The following ASTN2 variants were observed in gnomAD, a reference collection of about 807,000 sequenced individuals.
ASTN2 encodes astrotactin-2.
ASTN2 carries 54 observed loss-of-function variants against 139.8 expected under a neutral mutation model. The observed-to-expected ratio is 0.39, with a 90% CI of 0.31 to 0.48. The LOEUF (loss-of-function observed/expected upper bound fraction) is 0.48, where lower values mean the gene tolerates loss of function less well. ASTN2 is among the 20% of genes least tolerant of loss of function. ASTN2 has a pLI of 0.95. For synonymous variants in ASTN2, 756 were observed against 719.5 expected (o/e 1.05, Z -0.81); for missense variants, 1,565 against 1,725.1 (o/e 0.91, Z 1.64).
chr9:116,518,679 T>C lies in ASTN2; in HGVS notation c.3356-31179A>G, dbSNP rs188005692. On this transcript the variant is annotated intron_variant, in intron 19 of 22. Transcript: ENST00000313400. ...AGTACATAACATCTTAATGCTAACATTGAATGTGAGTGGCCTAAAGGCTCC... is the reference window on the plus strand; with the variant it reads ...AGTACATAACATCTTAATGCTAACACTGAATGTGAGTGGCCTAAAGGCTCC... Among the ~76,000 whole-genome samples the C allele has an allele frequency of 5.9e-3, 894 of 152,184 alleles. 14 individuals carry two copies. The highest frequency in any genetic ancestry group is 0.021 in the African/African-American group (864 of 41,514).
At chr9:116,910,918 G>C (rs766874860) in intron 10 of ASTN2, among the ~76,000 whole-genome samples, 12 of 152,152 alleles carry the variant, frequency 7.9e-5, no homozygotes, top group Non-Finnish European at 1.3e-4. Context: ...GGTAGAGCGA[G>C]ACCAGTCTGA....
At chr9:116,641,737 T>C (rs1254118212) in intron 17 of ASTN2, among the ~76,000 whole-genome samples, 4 of 152,142 alleles carry the variant, frequency 2.6e-5, no homozygotes, top group African/African-American at 9.7e-5. Flanking sequence ...TCAGGTCCCA[T>C]GAAAGAGCTA....
chr9:117,288,435 G>A (rs1278450079), intron 2 of ASTN2, among the ~76,000 whole-genome samples: 1 of 152,146 alleles, frequency 6.6e-6, no homozygotes, highest in African/African-American at 2.4e-5. Context: ...GATTTGACTA[G>A]AAGATTTGGG....
chr9:116,803,522 ATTTTTTTTTTTT>A (rs1158429877), intron 13 of ASTN2, among the ~76,000 whole-genome samples: 1 of 21,148 alleles, frequency 4.7e-5, no homozygotes, highest in African/African-American at 2.2e-4. Context: ...ATATATATAT[ATTTTTTTTTTTT>A]TTTTTTTTTA....
At chr9:116,584,759 CTGTT>C (rs1331716905) in intron 19 of ASTN2, 2 of 152,164 alleles carry the variant, frequency 1.3e-5, no homozygotes, top group African/African-American at 4.8e-5. Context: ...ATAATTGTCT[CTGTT>C]TGCAGATGAC....
intron 1 of ASTN2, among the ~76,000 whole-genome samples, chr9:117,300,479 G>A (rs954988939): frequency 7.9e-5 from 12 of 152,148 alleles, no homozygotes; most frequent in Non-Finnish European, 1.8e-4. Context: ...CAATCTAGGA[G>A]AGCAGAAAAA....
chr9:116,528,300 T>C (rs34711283), intron 19 of ASTN2, among the ~76,000 whole-genome samples: 8,001 of 152,270 alleles, frequency 0.053, 277 homozygotes, highest in Non-Finnish European at 0.074. Flanking sequence ...TGGAGGCATT[T>C]TTCCCCTGCC....
chr9:116,783,938 A>T (rs1212221028), intron 13 of ASTN2, among the ~76,000 whole-genome samples: 1 of 152,218 alleles, frequency 6.6e-6, no homozygotes, highest in Admixed American at 6.5e-5. Flanking sequence ...GGAAATTTAT[A>T]ATAATGAAGA....
intron 19 of ASTN2, among the ~76,000 whole-genome samples, chr9:116,501,116 C>T (rs1376419823): frequency 6.6e-6 from 1 of 152,138 alleles, no homozygotes; most frequent in Non-Finnish European, 1.5e-5. Context: ...TGTCTTTCTT[C>T]TTCTCCCCTA....
rs1847283887 is a variant in ASTN2 at position 116,425,706 on chromosome 9, C to T, written c.*145G>A. 1 of 1,607,108 alleles carries T rather than the reference C, an allele frequency of 6.2e-7. No individual in the cohort carries two copies. Among genetic ancestry groups the T allele is most frequent in the Non-Finnish European group, 8.5e-7 (1 of 1,177,506 alleles). On this transcript the variant is annotated 3_prime_UTR_variant, in exon 23 of 23. Coordinates refer to ENST00000313400, the MANE Select transcript of ASTN2 (RefSeq NM_001365068.1). ...CTCTGTCCACTATCCACAGGAGAAA[C>T]CGTTTGCTTTGGCCTTGCTGGCAAG...
chr9:116,500,651 C>T (rs189191393), intron 19 of ASTN2, among the ~76,000 whole-genome samples: 2 of 152,324 alleles, frequency 1.3e-5, no homozygotes, highest in African/African-American at 4.8e-5. Context: ...TGAATTCTGG[C>T]TTTGCTAAAT....
At chr9:117,160,639 T>C (rs1332875591) in intron 3 of ASTN2, among the ~76,000 whole-genome samples, 3 of 152,096 alleles carry the variant, frequency 2.0e-5, no homozygotes, top group Non-Finnish European at 2.9e-5. Flanking sequence ...ATGAATATAA[T>C]GACTTTCTAT....
intron 4 of ASTN2, among the ~76,000 whole-genome samples, chr9:117,097,763 C>T (rs987696878): frequency 2.6e-5 from 4 of 152,078 alleles, no homozygotes; most frequent in South Asian, 2.1e-4. Flanking sequence ...ATTCAATGCA[C>T]GAAAGGATTT....
chr9:116,516,232 T>C (rs961887695), intron 19 of ASTN2, among the ~76,000 whole-genome samples: 1 of 152,166 alleles, frequency 6.6e-6, no homozygotes, highest in African/African-American at 2.4e-5. Context: ...TCCAAATATC[T>C]ACTGTTTCAG....
At chr9:116,544,191 T>C (rs1264563578) in intron 19 of ASTN2, among the ~76,000 whole-genome samples, 1 of 152,160 alleles carries the variant, frequency 6.6e-6, no homozygotes, top group South Asian at 2.1e-4. Flanking sequence ...AAATTTGCAC[T>C]GAGACAGTCA....
chr9:116,777,945 C>A (rs1287362698), intron 13 of ASTN2, among the ~76,000 whole-genome samples: 1 of 152,028 alleles, frequency 6.6e-6, no homozygotes, highest in Non-Finnish European at 1.5e-5. Context: ...CGGGTTCAAG[C>A]AATTCTCCCG....
At chr9:116,468,802 C>T (rs1848727049) in intron 20 of ASTN2, among the ~76,000 whole-genome samples, 1 of 152,192 alleles carries the variant, frequency 6.6e-6, no homozygotes, top group African/African-American at 2.4e-5. Flanking sequence ...TTGAGCTCTA[C>T]CAACTTCTTT....
intron 19 of ASTN2, among the ~76,000 whole-genome samples, chr9:116,509,483 CTT>C (rs1431716923): frequency 2.6e-5 from 4 of 152,158 alleles, no homozygotes; most frequent in Non-Finnish European, 5.9e-5. Context: ...GTGCATGTGT[CTT>C]TATAGCAGCA....
intron 10 of ASTN2, among the ~76,000 whole-genome samples, chr9:116,886,173 A>G (rs1377169780): frequency 4.6e-5 from 7 of 152,216 alleles, no homozygotes; most frequent in Non-Finnish European, 1.0e-4. Flanking sequence ...ACATGCTATT[A>G]TCTGTCCACA....
Sources: allele counts gnomAD v4.1 joint callset (sites outside exome capture counted in the v4.1 genomes callset), GRCh38; gene constraint gnomAD v4.1.1; transcripts MANE v1.5; gene names NCBI Gene and HGNC (gene_info 2026-07-23, HGNC 2026-07-21).